SGPP2: variants seen among roughly 807,000 people sequenced by gnomAD.
SGPP2 encodes the protein sphingosine-1-phosphate phosphatase 2.
Under a neutral mutation model 33.9 loss-of-function variants are expected in SGPP2, and 30 were observed. The observed-to-expected ratio is 0.89, with a 90% confidence interval of 0.66 to 1.20. SGPP2 has a LOEUF of 1.20. Ranked by LOEUF, SGPP2 falls within the 50% of genes most tolerant of loss-of-function variation. The pLI, the probability that SGPP2 is intolerant of heterozygous loss-of-function variation, is 0.00. For synonymous variants in SGPP2, 233 were observed against 225.0 expected, an observed-to-expected ratio of 1.04 and a Z score of -0.32; for missense variants, 458 against 532.1, an observed-to-expected ratio of 0.86 and a Z score of 1.37.
At chr2:222,435,041 T>TATATATATATACACATATATATACAC (rs1697218296) in intron 1 of SGPP2, among the ~76,000 whole-genome samples, 1 of 146,552 alleles carries the variant, frequency 6.8e-6, no homozygotes, top group African/African-American at 2.5e-5. Context: ...TATATATGTG[T>TATATATATATACACATATATATACAC]ATATATATAC....
At chr2:222,450,731 A>G (rs1574837045) in intron 1 of SGPP2, among the ~76,000 whole-genome samples, 1 of 151,966 alleles carries the variant, frequency 6.6e-6, no homozygotes, top group Admixed American at 6.6e-5. Flanking sequence ...CTTCCCTCCC[A>G]CTCCCAGACC....
At chr2:222,484,745 A>T (rs758110573) in intron 2 of SGPP2, among the ~76,000 whole-genome samples, 19 of 152,170 alleles carry the variant, frequency 1.2e-4, no homozygotes, top group Non-Finnish European at 2.2e-4. Context: ...CTGCAGGCGG[A>T]TTGGTCCCCA....
rs1380288667 is a variant in SGPP2 at position 222,560,681 on chromosome 2, AT to A, written c.*1784del. On this transcript the variant is annotated 3_prime_UTR_variant, in exon 5 of 5. Coordinates refer to ENST00000321276, the MANE Select transcript of SGPP2 (RefSeq NM_152386.4). The stretch of plus-strand genomic sequence containing the variant: ...CCATGTGCATACTCTAGAAAAAAAA[AT>A]AGCTTCCTTAAAAGTTACAGAGGCT... The A allele has an allele frequency of 6.6e-6, 1 of 152,032 alleles. No individual in the cohort carries two copies. Among genetic ancestry groups the A allele is most frequent in the Non-Finnish European group, 1.5e-5 (1 of 68,022 alleles). 9.4% of individuals were successfully genotyped at this position (152,032 alleles called of 1,614,324 possible). A position where few individuals can be genotyped will look rare whatever the true frequency, so the allele number is the denominator to read the frequency against.
chr2:222,432,691 C>A (rs1367306363), intron 1 of SGPP2, among the ~76,000 whole-genome samples: 2 of 152,092 alleles, frequency 1.3e-5, no homozygotes, highest in Admixed American at 1.3e-4. Context: ...ACAATAGGAA[C>A]TCAGAAGCCA....
chr2:222,496,777 C>T (rs930703091), intron 2 of SGPP2, among the ~76,000 whole-genome samples: 9 of 152,196 alleles, frequency 5.9e-5, no homozygotes, highest in Admixed American at 2.0e-4. Context: ...CCTGCTAAGT[C>T]TCAGTGCAGT....
At position 222,443,721 on chromosome 2, in the gene SGPP2, G is replaced by C. The variant is rs74394518; in HGVS notation, c.219+18900G>C. On this transcript the variant is annotated intron_variant, in intron 1 of 4. Transcript: ENST00000321276. ...TAGGTTGTGTGCTACAGGGATCTTG[G>C]CTATAGTGAGCCTTTCAGGGCCTCA... Among the ~76,000 whole-genome samples the C allele has an allele frequency of 8.0e-3, 1,216 of 152,206 alleles. 13 individuals carry two copies. The highest frequency in any genetic ancestry group is 0.027 in the African/African-American group (1,126 of 41,514).
At chr2:222,431,654 G>T (rs1264443243) in intron 1 of SGPP2, among the ~76,000 whole-genome samples, 1 of 152,174 alleles carries the variant, frequency 6.6e-6, no homozygotes, top group Non-Finnish European at 1.5e-5. Context: ...CAAGAACAGG[G>T]AATAGGGTTC....
chr2:222,491,967 G>A (rs529223410), intron 2 of SGPP2, among the ~76,000 whole-genome samples: 24 of 152,308 alleles, frequency 1.6e-4, no homozygotes, highest in African/African-American at 5.8e-4. Context: ...CCCCGTGCAT[G>A]TCTAAAATCC....
At chr2:222,508,771 A>G (rs2106123633) in intron 2 of SGPP2, among the ~76,000 whole-genome samples, 1 of 152,314 alleles carries the variant, frequency 6.6e-6, no homozygotes, top group African/African-American at 2.4e-5. Context: ...CTCTATTTTT[A>G]CAAAACTTGA....
rs557192975 is a variant in SGPP2, at chr2:222,482,867, C to A, written c.378+8141C>A. On this transcript the variant is annotated intron_variant, in intron 2 of 4. Coordinates refer to ENST00000321276, the MANE Select transcript of SGPP2 (RefSeq NM_152386.4). ...GTTCTGGAACATCAGGAGACCTGGA[C>A]TGCAATCTTAGCAGTGAAACCTTCT... is the stretch of plus-strand genomic sequence containing the variant. Among the ~76,000 whole-genome samples, 4 of 152,224 alleles carry A rather than the reference C, an allele frequency of 2.6e-5. No homozygotes were observed. The South Asian group carries it at 8.3e-4, about 31-fold the overall frequency.
At chr2:222,531,118 T>C (rs1458230590) in intron 4 of SGPP2, among the ~76,000 whole-genome samples, 1 of 152,328 alleles carries the variant, frequency 6.6e-6, no homozygotes, top group East Asian at 1.9e-4. Flanking sequence ...ATGGGCCTAA[T>C]TTCATATTGT....
At position 222,460,115 on chromosome 2, in the gene SGPP2, G is replaced by A. The variant is rs1163062239; in HGVS notation, c.220-14453G>A. 6.6e-6 allele frequency among the ~76,000 whole-genome samples: 1 copy of A among 152,206 alleles called. No homozygotes were observed. Among genetic ancestry groups the A allele is most frequent in the Admixed American group, 6.5e-5 (1 of 15,278 alleles). On this transcript the variant is annotated intron_variant, in intron 1 of 4. Coordinates refer to ENST00000321276, the MANE Select transcript of SGPP2 (RefSeq NM_152386.4). The surrounding 1 kb of genome is among the most constrained non-coding windows in gnomAD (Gnocchi z 4.3). Reference sequence around the variant, plus strand: ...AGGGCCTCCGGGTTTGCTCGGGGTGGGCATTGCACAGCCTGTGGCATTCAG... The same window carrying A: ...AGGGCCTCCGGGTTTGCTCGGGGTGAGCATTGCACAGCCTGTGGCATTCAG...
chr2:222,467,864 G>A lies in SGPP2; in HGVS notation c.220-6704G>A, dbSNP rs1045437995. ...TAGAGTTGCAGATTACCATCCCCCC[G>A]AGATGTGAACTCCTGGCTCTGTTGA... On this transcript the variant is annotated intron_variant, in intron 1 of 4. Transcript: ENST00000321276. Among the ~76,000 whole-genome samples, 13 of 141,482 alleles carry A rather than the reference G, an allele frequency of 9.2e-5. No individual in the cohort carries two copies. In the South Asian group the frequency reaches 1.8e-3, roughly 20 times the overall value. 92.8% of individuals were successfully genotyped at this position (141,482 alleles called of 152,430 possible).
At chr2:222,431,577 A>G (rs1301108213) in intron 1 of SGPP2, among the ~76,000 whole-genome samples, 1 of 152,150 alleles carries the variant, frequency 6.6e-6, no homozygotes. Flanking sequence ...AGACGTGGGC[A>G]GGGTTGGAAG....
At chr2:222,497,208 A>C (rs1354848791) in intron 2 of SGPP2, among the ~76,000 whole-genome samples, 2 of 151,260 alleles carry the variant, frequency 1.3e-5, no homozygotes, top group Non-Finnish European at 2.9e-5. Context: ...ACCAGAAACC[A>C]ACTTTATTTG....
chr2:222,466,937 G>A (rs371974374), intron 1 of SGPP2, among the ~76,000 whole-genome samples: 6 of 152,282 alleles, frequency 3.9e-5, no homozygotes, highest in East Asian at 1.9e-4. Context: ...CTCAGTTCCT[G>A]TGTTGCAGGA....
chr2:222,538,512 G>A (rs748082741), intron 4 of SGPP2, among the ~76,000 whole-genome samples: 7 of 152,108 alleles, frequency 4.6e-5, no homozygotes, highest in African/African-American at 1.2e-4. Context: ...CAGCAGTCCC[G>A]GGAGATTCTC....
intron 4 of SGPP2, among the ~76,000 whole-genome samples, chr2:222,530,196 C>G (rs1444771153): frequency 6.6e-6 from 1 of 152,164 alleles, no homozygotes; most frequent in Admixed American, 6.5e-5. Flanking sequence ...TAGCATAATT[C>G]TTAAGGGCCC....
intron 4 of SGPP2, among the ~76,000 whole-genome samples, chr2:222,539,217 A>G (rs1327899419): frequency 6.6e-6 from 1 of 152,230 alleles, no homozygotes; most frequent in Non-Finnish European, 1.5e-5. Context: ...AAATTGACCA[A>G]AAGAAAGGGG....
Sources: allele counts gnomAD v4.1 joint callset (sites outside exome capture counted in the v4.1 genomes callset), GRCh38; gene constraint gnomAD v4.1.1; non-coding constraint Gnocchi (gnomAD v3.1); transcripts MANE v1.5; gene names NCBI Gene and HGNC (gene_info 2026-07-23, HGNC 2026-07-21).